The following PCDHGB3 variants were observed in gnomAD, a reference collection of about 807,000 sequenced individuals.
PCDHGB3 encodes protocadherin gamma-B3.
Under a neutral mutation model 59.2 loss-of-function variants are expected in PCDHGB3, and 40 were observed. That is an observed-to-expected ratio of 0.68 (90% confidence interval 0.52 to 0.88). PCDHGB3 has a LOEUF of 0.88. PCDHGB3 is among the 40% of genes least tolerant of loss of function. The pLI is 0.00. For synonymous variants in PCDHGB3, 581 were observed against 503.6 expected, an observed-to-expected ratio of 1.15 and a Z score of -2.06; for missense variants, 1,309 against 1,187.9, an observed-to-expected ratio of 1.10 and a Z score of -1.50.
At chr5:141,422,167 A>G in intron 1 of PCDHGB3, 1 of 1,562,764 alleles carries the variant, frequency 6.4e-7, no homozygotes, top group Non-Finnish European at 8.6e-7. Context: ...TGAAAAATAT[A>G]GATTCTATGA....
At chr5:141,388,390 A>C (rs202036029) in intron 1 of PCDHGB3, 182 of 1,613,912 alleles carry the variant, frequency 1.1e-4, no homozygotes, top group Non-Finnish European at 1.4e-4. Context: ...ACACTGCAGA[A>C]TTACCAACTC....
At position 141,485,133 on chromosome 5, in the gene PCDHGB3, C is replaced by A; in HGVS notation, c.2416-9674C>A. On this transcript the variant is annotated intron_variant, in intron 1 of 3. Transcript: ENST00000576222. The surrounding 1 kb of genome is among the most constrained non-coding windows in gnomAD (Gnocchi z 5.7). Reference sequence around the variant, plus strand: ...GCTGTTTGGGGCGGGTCGGCTTCATCCGCGTCTCAGGAGCAAGTAGAGAAT... The same window carrying A: ...GCTGTTTGGGGCGGGTCGGCTTCATACGCGTCTCAGGAGCAAGTAGAGAAT... The A allele has an allele frequency of 2.7e-6, 4 of 1,492,492 alleles. No homozygotes were observed. The highest frequency in any genetic ancestry group is 1.7e-5 in the Admixed American group (1 of 58,334). The allele number at this position is 1,492,492 out of a possible 1,614,324, so 92.5% of individuals were successfully genotyped here.
intron 2 of PCDHGB3, among the ~76,000 whole-genome samples, chr5:141,503,077 T>C (rs902429288): frequency 6.6e-6 from 1 of 151,810 alleles, no homozygotes; most frequent in African/African-American, 2.4e-5. Flanking sequence ...ATGGTCTCGA[T>C]CTCCTGACCT....
In PCDHGB3 at chr5:141,432,961, A is replaced by T. The variant is rs1457416543; in HGVS notation, c.2415+60152A>T. The T allele has an allele frequency of 1.5e-5, 25 of 1,613,952 alleles. 1 individual carries two copies. The South Asian group carries it at 2.3e-4, about 15-fold the overall frequency. ...AGGCTTCAGGAGGCGGCTTGACAGG[A>T]GCGCCGGCGTCGCACTTTGTGGGCG... On this transcript the variant is annotated intron_variant, in intron 1 of 3. Coordinates refer to ENST00000576222, the MANE Select transcript of PCDHGB3 (RefSeq NM_018924.5). This position sits in a 1 kb window ranked among gnomAD's most constrained non-coding sequence, Gnocchi z 6.0.
chr5:141,422,795 A>G lies in PCDHGB3; in HGVS notation c.2415+49986A>G, dbSNP rs543001807. ...CTCTATGCCCTACAATCCTTCGACTATGAGCAGTTTCGAGACTTAGAACTG... is the reference window on the plus strand; with the variant it reads ...CTCTATGCCCTACAATCCTTCGACTGTGAGCAGTTTCGAGACTTAGAACTG... On this transcript the variant is annotated intron_variant, in intron 1 of 3. Transcript: ENST00000576222. 14 of 1,614,198 alleles carry G rather than the reference A, an allele frequency of 8.7e-6. No homozygotes were observed. In the East Asian group the frequency reaches 1.8e-4, roughly 21 times the overall value.
At chr5:141,376,106 C>A (rs747782630) in intron 1 of PCDHGB3, 2 of 1,613,796 alleles carry the variant, frequency 1.2e-6, no homozygotes, top group East Asian at 4.5e-5. Context: ...CCTGGCCGAC[C>A]TGGGCAGCCT....
chr5:141,486,400 T>G lies in PCDHGB3; in HGVS notation c.2416-8407T>G. On this transcript the variant is annotated intron_variant, in intron 1 of 3. Transcript: ENST00000576222. This position sits in a 1 kb window ranked among gnomAD's most constrained non-coding sequence, Gnocchi z 5.0. Reference sequence around the variant, plus strand: ...TCAGGAACCAGTTCTCCCTGGTGACTGCTGGACCCTTGGATCGAGAGGCCA... The same window carrying G: ...TCAGGAACCAGTTCTCCCTGGTGACGGCTGGACCCTTGGATCGAGAGGCCA... 5.0e-6 allele frequency: 8 copies of G among 1,614,194 alleles called. No homozygotes were observed. The highest frequency in any genetic ancestry group is 6.8e-6 in the Non-Finnish European group (8 of 1,180,028).
At chr5:141,467,630 T>A (rs1483747040) in intron 1 of PCDHGB3, among the ~76,000 whole-genome samples, 2 of 152,194 alleles carry the variant, frequency 1.3e-5, no homozygotes, top group African/African-American at 4.8e-5. Flanking sequence ...TGAGATAGCA[T>A]CTTTATCATG....
At chr5:141,409,137 T>G (rs748502213) in intron 1 of PCDHGB3, 1 of 1,613,936 alleles carries the variant, frequency 6.2e-7, no homozygotes, top group Non-Finnish European at 8.5e-7. Flanking sequence ...TTTGAAGATG[T>G]AGAAAGGTAC....
chr5:141,415,350 G>C, intron 1 of PCDHGB3: 1 of 1,614,228 alleles, frequency 6.2e-7, no homozygotes, highest in Non-Finnish European at 8.5e-7. Context: ...GCTGGCACAA[G>C]TCACGCCTGC....
chr5:141,478,392 A>T, intron 1 of PCDHGB3: 1 of 1,613,560 alleles, frequency 6.2e-7, no homozygotes, highest in East Asian at 2.2e-5. Flanking sequence ...CTTTACCATC[A>T]GGTGTATCTC....
rs758216080 is a variant in PCDHGB3, at chr5:141,398,809, C to A, written c.2415+26000C>A. 1.3e-5 allele frequency: 21 copies of A among 1,613,854 alleles called. No individual in the cohort carries two copies. In the South Asian group the frequency reaches 2.1e-4, roughly 16 times the overall value. On this transcript the variant is annotated intron_variant, in intron 1 of 3. Coordinates refer to ENST00000576222, the MANE Select transcript of PCDHGB3 (RefSeq NM_018924.5). ...TCCACCCCTAAGCGGCACCACTGAG[C>A]TCCGGATCCAGGTAACCGACGCCAA...
chr5:141,391,775 A>T (rs996921581), intron 1 of PCDHGB3: 1 of 152,210 alleles, frequency 6.6e-6, no homozygotes, highest in Non-Finnish European at 1.5e-5. Flanking sequence ...TTATATAGTC[A>T]TTACTTTTTG....
In PCDHGB3 at chr5:141,426,211, G is replaced by A. The variant is rs184669298; in HGVS notation, c.2415+53402G>A. On this transcript the variant is annotated intron_variant, in intron 1 of 3. Coordinates refer to ENST00000576222, the MANE Select transcript of PCDHGB3 (RefSeq NM_018924.5). ...TGGGAGCATTGAGTTTTCTATGTAT[G>A]GAAGTAAATATTTTAAAAGCACTTT... The A allele has an allele frequency of 7.7e-4, 121 of 157,870 alleles. 1 individual carries two copies. The highest frequency in any genetic ancestry group is 7.4e-4 in the South Asian group (4 of 5,398). 9.8% of individuals were successfully genotyped at this position (157,870 alleles called of 1,614,324 possible). A position where few individuals can be genotyped will look rare whatever the true frequency, so the allele number is the denominator to read the frequency against.
Position 141,450,757 on chromosome 5 carries a change from G to A in PCDHGB3, c.2416-44050G>A, listed in dbSNP as rs575351311. Among the ~76,000 whole-genome samples, 5 of 151,964 alleles carry A rather than the reference G, an allele frequency of 3.3e-5. No individual in the cohort carries two copies. In the East Asian group the frequency reaches 9.7e-4, roughly 29 times the overall value. ...CCGCCTTGGCCTCCCAAAGTGCCGG[G>A]ATTACAGGCATGAGCCACCGTGCCC... On this transcript the variant is annotated intron_variant, in intron 1 of 3. Coordinates refer to ENST00000576222, the MANE Select transcript of PCDHGB3 (RefSeq NM_018924.5).
At chr5:141,447,988 A>C (rs1234413003) in intron 1 of PCDHGB3, among the ~76,000 whole-genome samples, 1 of 152,018 alleles carries the variant, frequency 6.6e-6, no homozygotes, top group Non-Finnish European at 1.5e-5. Flanking sequence ...CGGGAGGCTG[A>C]GGCATGAGAA....
At chr5:141,385,401 T>C in intron 1 of PCDHGB3, 1 of 1,490,222 alleles carries the variant, frequency 6.7e-7, no homozygotes, top group Non-Finnish European at 8.9e-7. Context: ...AAACAAATGT[T>C]TTGAAAATAG....
chr5:141,473,479 G>A (rs1417960508), intron 1 of PCDHGB3, among the ~76,000 whole-genome samples: 1 of 152,118 alleles, frequency 6.6e-6, no homozygotes, highest in Non-Finnish European at 1.5e-5. Flanking sequence ...AAGTTCAATG[G>A]AAAAAATATA....
In PCDHGB3 at chr5:141,391,294, C is replaced by T. The variant is rs1189563844; in HGVS notation, c.2415+18485C>T. On this transcript the variant is annotated intron_variant, in intron 1 of 3. Transcript: ENST00000576222. Reference sequence around the variant, plus strand: ...TTTACAAATTGCTGAAAGAAGGAAACGTCTTTCGATTCTTTTTTTTTTCTT... The same window carrying T: ...TTTACAAATTGCTGAAAGAAGGAAATGTCTTTCGATTCTTTTTTTTTTCTT... 5.9e-5 allele frequency: 9 copies of T among 151,668 alleles called. 2 individuals are homozygous for T. The highest frequency in any genetic ancestry group is 5.3e-4 in the Admixed American group (8 of 15,220). 9.4% of individuals were successfully genotyped at this position (151,668 alleles called of 1,614,324 possible).
Sources: allele counts gnomAD v4.1 joint callset (sites outside exome capture counted in the v4.1 genomes callset), GRCh38; gene constraint gnomAD v4.1.1; non-coding constraint Gnocchi (gnomAD v3.1); transcripts MANE v1.5; gene names NCBI Gene and HGNC (gene_info 2026-07-23, HGNC 2026-07-21).